Variants in SEPTIN9 observed in about 807,000 individuals in gnomAD.
SEPTIN9 encodes the protein septin-9.
Under a neutral mutation model 56.6 loss-of-function variants are expected in SEPTIN9, and 13 were observed. That is an observed-to-expected ratio of 0.23 (90% CI 0.15 to 0.37). The LOEUF is 0.37. SEPTIN9 is among the 10% of genes least tolerant of loss of function. SEPTIN9 has a pLI of 1.00. For missense variants in SEPTIN9, 650 were observed against 823.1 expected (o/e 0.79, Z 2.57); for synonymous variants, 332 against 334.1 (o/e 0.99, Z 0.07).
At chr17:77,378,496 T>C (rs7216382) in intron 2 of SEPTIN9, among the ~76,000 whole-genome samples, 61,194 of 152,006 alleles carry the variant, frequency 0.4, 12,965 homozygotes, top group Non-Finnish European at 0.47. Flanking sequence ...TCGCGGCTGG[T>C]GTGGCATCTG....
chr17:77,415,046 C>T (rs1471128512), intron 3 of SEPTIN9, among the ~76,000 whole-genome samples: 1 of 152,158 alleles, frequency 6.6e-6, no homozygotes, highest in African/African-American at 2.4e-5. Context: ...GACATGTTGC[C>T]TTCATCAGCT....
At chr17:77,407,976 C>A (rs577173329) in intron 3 of SEPTIN9, among the ~76,000 whole-genome samples, 2 of 152,198 alleles carry the variant, frequency 1.3e-5, no homozygotes, top group African/African-American at 2.4e-5. Flanking sequence ...GAGCCCCCCC[C>A]ACCAGAGTTA....
At chr17:77,459,286 T>C (rs2038354005) in intron 3 of SEPTIN9, among the ~76,000 whole-genome samples, 1 of 152,216 alleles carries the variant, frequency 6.6e-6, no homozygotes, top group African/African-American at 2.4e-5. Context: ...TGGTGCCACC[T>C]CCCCAGACTC....
In SEPTIN9 at chr17:77,341,771, C is replaced by T. The variant is rs531900296; in HGVS notation, c.76+34574C>T. 4.6e-4 allele frequency among the ~76,000 whole-genome samples: 50 copies of T among 107,650 alleles called. 1 individual carries two copies. Among genetic ancestry groups the T allele is most frequent in the East Asian group, 3.4e-3 (10 of 2,904 alleles). 70.6% of individuals were successfully genotyped at this position (107,650 alleles called of 152,430 possible). ...CTGCACTCCAGCCTGGGCAACAGAG[C>T]GAGACTCCATCTCAAAAAAAAAAAA... is the stretch of plus-strand genomic sequence containing the variant. On this transcript the variant is annotated intron_variant, in intron 2 of 11. Coordinates refer to ENST00000427177, the MANE Select transcript of SEPTIN9 (RefSeq NM_001113491.2).
chr17:77,312,491 C>T (rs1226187889), intron 2 of SEPTIN9, among the ~76,000 whole-genome samples: 1 of 35,192 alleles, frequency 2.8e-5, no homozygotes, highest in African/African-American at 1.5e-4. Flanking sequence ...TCCTGGACCT[C>T]CTAGCTGACT....
rs114294563 is a variant in SEPTIN9, at chr17:77,415,792, G to T, written c.721+13089G>T. Among the ~76,000 whole-genome samples the T allele has an allele frequency of 3.0e-3, 464 of 152,348 alleles. 3 individuals are homozygous for T. Among genetic ancestry groups the T allele is most frequent in the African/African-American group, 0.011 (442 of 41,584 alleles). ...CGAGGGAAGCATGGCGAGGTGGACG[G>T]TGCGGAGGCATAAGGAGCAAAATAA... is the stretch of plus-strand genomic sequence containing the variant. On this transcript the variant is annotated intron_variant, in intron 3 of 11. Coordinates refer to ENST00000427177, the MANE Select transcript of SEPTIN9 (RefSeq NM_001113491.2).
At chr17:77,377,640 G>T (rs984719194) in intron 2 of SEPTIN9, among the ~76,000 whole-genome samples, 1 of 152,176 alleles carries the variant, frequency 6.6e-6, no homozygotes, top group Non-Finnish European at 1.5e-5. Context: ...TGTGGGACGG[G>T]CTTCTGGGTG....
Position 77,319,701 on chromosome 17 carries a change from G to A in SEPTIN9, c.76+12504G>A. The A allele has an allele frequency of 1.9e-6, 2 of 1,066,558 alleles. No individual in the cohort carries two copies. The highest frequency in any genetic ancestry group is 2.3e-6 in the Non-Finnish European group (2 of 879,936). The allele number at this position is 1,066,558 out of a possible 1,614,324, so 66.1% of individuals were successfully genotyped here. A position where few individuals can be genotyped will look rare whatever the true frequency, so the allele number is the denominator to read the frequency against. On this transcript the variant is annotated intron_variant, in intron 2 of 11. Transcript: ENST00000427177. This position sits in a 1 kb window ranked among gnomAD's most constrained non-coding sequence, Gnocchi z 5.3. ...CCCAGGACAGAGGAAGGCGAGGCAG[G>A]CACGCAGGAACTGGGCTTTTTAAAC...
chr17:77,397,742 C>A (rs531605241), intron 2 of SEPTIN9, among the ~76,000 whole-genome samples: 3 of 152,196 alleles, frequency 2.0e-5, no homozygotes, highest in African/African-American at 7.2e-5. Context: ...CTCTGCCTCC[C>A]GAATTTAAGT....
rs552481723 is a variant in SEPTIN9, at chr17:77,486,812, C to T, written c.914-612C>T. Among the ~76,000 whole-genome samples the T allele has an allele frequency of 1.6e-3, 243 of 152,330 alleles. 4 individuals carry two copies. Among genetic ancestry groups the T allele is most frequent in the South Asian group, 0.011 (53 of 4,828 alleles). On this transcript the variant is annotated intron_variant, in intron 4 of 11. Transcript: ENST00000427177. ...GCACCACCCTGCAGGCCAGCGCCCCCTAGCACATGGCCCCACAGACCCCAT... is the reference window on the plus strand; with the variant it reads ...GCACCACCCTGCAGGCCAGCGCCCCTTAGCACATGGCCCCACAGACCCCAT...
intron 2 of SEPTIN9, among the ~76,000 whole-genome samples, chr17:77,309,272 C>T (rs1186864910): frequency 6.6e-6 from 1 of 152,268 alleles, no homozygotes; most frequent in Non-Finnish European, 1.5e-5. Context: ...ACGATCACAG[C>T]TCAGCTTGGA....
Position 77,405,986 on chromosome 17 carries a change from G to A in SEPTIN9, c.721+3283G>A, listed in dbSNP as rs183354081. ...GGAAAGGAATCATGGAGGGAGTTCCGTGCCCTCTGAGCAGACGCCCAGCCC... is the reference window on the plus strand; with the variant it reads ...GGAAAGGAATCATGGAGGGAGTTCCATGCCCTCTGAGCAGACGCCCAGCCC... On this transcript the variant is annotated intron_variant, in intron 3 of 11. Coordinates refer to ENST00000427177, the MANE Select transcript of SEPTIN9 (RefSeq NM_001113491.2). This position sits in a 1 kb window ranked among gnomAD's most constrained non-coding sequence, Gnocchi z 5.8. Among the ~76,000 whole-genome samples the A allele has an allele frequency of 3.7e-4, 56 of 152,338 alleles. 1 individual carries two copies. The highest frequency in any genetic ancestry group is 1.3e-3 in the African/African-American group (52 of 41,594).
chr17:77,418,018 A>C (rs2036564221), intron 3 of SEPTIN9, among the ~76,000 whole-genome samples: 1 of 152,170 alleles, frequency 6.6e-6, no homozygotes, highest in East Asian at 1.9e-4. Flanking sequence ...GGGGCTCCTC[A>C]TTCCTGTTCC....
At position 77,317,280 on chromosome 17, in the gene SEPTIN9, C is replaced by G. The variant is rs2032745548; in HGVS notation, c.76+10083C>G. 6.6e-6 allele frequency among the ~76,000 whole-genome samples: 1 copy of G among 152,206 alleles called. No homozygotes were observed. The highest frequency in any genetic ancestry group is 1.5e-5 in the Non-Finnish European group (1 of 68,034). The stretch of plus-strand genomic sequence containing the variant: ...CAGGGTGTCCACTGGGCATAGCCCT[C>G]TGGAGGCTCTAGGGCAGGGGTTCCC... On this transcript the variant is annotated intron_variant, in intron 2 of 11. Transcript: ENST00000427177. This position sits in a 1 kb window ranked among gnomAD's most constrained non-coding sequence, Gnocchi z 4.2.
intron 2 of SEPTIN9, among the ~76,000 whole-genome samples, chr17:77,342,750 A>G (rs549516728): frequency 1.4e-4 from 22 of 152,268 alleles, no homozygotes; most frequent in Non-Finnish European, 2.6e-4. Context: ...AGGCAGGCGG[A>G]TCCCTTGAGC....
intron 3 of SEPTIN9, among the ~76,000 whole-genome samples, chr17:77,467,423 G>T (rs538244535): frequency 6.6e-6 from 1 of 152,130 alleles, no homozygotes; most frequent in Non-Finnish European, 1.5e-5. Flanking sequence ...GACCCCAGGG[G>T]CCCTGAGCCC....
At chr17:77,360,962 C>T (rs1286259596) in intron 2 of SEPTIN9, among the ~76,000 whole-genome samples, 1 of 148,406 alleles carries the variant, frequency 6.7e-6, no homozygotes, top group African/African-American at 2.5e-5. Flanking sequence ...TCTCTGTTGC[C>T]CCCCAGGCTG....
At chr17:77,482,044 C>A in intron 3 of SEPTIN9, 100 bp from the exon 4 acceptor site, 1 of 1,160,802 alleles carries the variant, frequency 8.6e-7, no homozygotes, top group Non-Finnish European at 1.2e-6. Context: ...AGCCTCAGTG[C>A]CTCAGTTTCC....
intron 3 of SEPTIN9, among the ~76,000 whole-genome samples, chr17:77,448,920 A>C (rs986170768): frequency 1.3e-5 from 2 of 151,862 alleles, no homozygotes; most frequent in African/African-American, 4.8e-5. Context: ...AGTAGCTGGG[A>C]TTACAGGTGG....
Sources: allele counts gnomAD v4.1 joint callset (sites outside exome capture counted in the v4.1 genomes callset), GRCh38; gene constraint gnomAD v4.1.1; non-coding constraint Gnocchi (gnomAD v3.1); transcripts MANE v1.5; gene names NCBI Gene and HGNC (gene_info 2026-07-23, HGNC 2026-07-21).